ASMTL: variants seen among roughly 807,000 people sequenced by gnomAD.
ASMTL encodes the protein acetylserotonin O-methyltransferase like.
Under a neutral mutation model 60.3 loss-of-function variants are expected in ASMTL, and 57 were observed. The observed-to-expected ratio is 0.95, with a 90% CI of 0.76 to 1.18. The LOEUF is 1.18. Ranked by LOEUF, ASMTL falls within the 50% of genes most tolerant of loss-of-function variation. The pLI is 0.00. For missense variants in ASMTL, 981 were observed against 852.6 expected (o/e 1.15, Z -1.88); for synonymous variants, 419 against 373.0 (o/e 1.12, Z -1.42).
chrX:1,444,765 T>C (rs5949197), intron 1 of ASMTL, among the ~76,000 whole-genome samples: 116,609 of 151,774 alleles, frequency 0.77, 46,253 homozygotes, highest in East Asian at 0.94. Context: ...CATCCTGGGC[T>C]AACTCCTGGA....
intron 11 of ASMTL, among the ~76,000 whole-genome samples, chrX:1,414,223 C>A (rs1156711162): frequency 6.6e-6 from 1 of 152,174 alleles, no homozygotes; most frequent in Non-Finnish European, 1.5e-5. Flanking sequence ...AGGATCCTCC[C>A]CTAGAGCCTC....
chrX:1,439,434 T>C (rs1191222932), intron 2 of ASMTL, among the ~76,000 whole-genome samples: 1 of 152,226 alleles, frequency 6.6e-6, no homozygotes, highest in Non-Finnish European at 1.5e-5. Flanking sequence ...CAATGCCTGT[T>C]CCGTAAGCTT....
intron 1 of ASMTL, among the ~76,000 whole-genome samples, chrX:1,448,125 A>ACCATCTTGGACACACACCG (rs1265468996): frequency 6.8e-6 from 1 of 148,090 alleles, no homozygotes; most frequent in Non-Finnish European, 1.5e-5. Context: ...TTGGACACAC[A>ACCATCTTGGACACACACCG]CCATCTTGGA....
chrX:1,404,498 A>G (rs1165723341), intron 12 of ASMTL, among the ~76,000 whole-genome samples: 6 of 149,188 alleles, frequency 4.0e-5, no homozygotes, highest in African/African-American at 1.2e-4. Flanking sequence ...GGATGGATGG[A>G]TGGGTGAATA....
At chrX:1,436,237 G>A (rs1468913486) in intron 3 of ASMTL, among the ~76,000 whole-genome samples, 11 of 152,292 alleles carry the variant, frequency 7.2e-5, no homozygotes, top group South Asian at 2.1e-4. Flanking sequence ...GCAGTGGCAC[G>A]GTCTTGGCTC....
intron 1 of ASMTL, among the ~76,000 whole-genome samples, chrX:1,444,208 ATTTT>A (rs112915722): frequency 1.6e-5 from 2 of 123,506 alleles, no homozygotes; most frequent in Non-Finnish European, 3.5e-5. Flanking sequence ...CACTTTTTGT[ATTTT>A]TTTTTTTTTT....
Position 1,418,213 on chromosome X carries a change from A to G in ASMTL, c.1379-97T>C, listed in dbSNP as rs2090369639. ...TGGGGCAGAAGTAATGTTCAAGGGCATGGCATTGATTCCCATGCTGGAAGG... is the reference window on the plus strand; with the variant it reads ...TGGGGCAGAAGTAATGTTCAAGGGCGTGGCATTGATTCCCATGCTGGAAGG... On this transcript the variant is annotated intron_variant, in intron 10 of 12. Transcript: ENST00000381317. 5 of 1,356,442 alleles carry G rather than the reference A, an allele frequency of 3.7e-6. No homozygotes were observed. The South Asian group carries it at 5.8e-5, about 16-fold the overall frequency. 84.0% of individuals were successfully genotyped at this position (1,356,442 alleles called of 1,614,324 possible). A position where few individuals can be genotyped will look rare whatever the true frequency, so the allele number is the denominator to read the frequency against.
intron 1 of ASMTL, 52 bp downstream of exon 1, chrX:1,452,696 G>C (rs2091427078): frequency 5.4e-6 from 8 of 1,473,390 alleles, no homozygotes. Flanking sequence ...GGCCCTCCGG[G>C]GTTCAGCCCC....
In ASMTL at chrX:1,428,068, G is replaced by T; in HGVS notation, c.563C>A (p.Ser188Tyr). Residue 188 changes from serine to tyrosine, a missense_variant, in exon 7 of 13, where the codon TCC becomes TAC. Transcript: ENST00000381317. ...IQALGGMLVE[S>Y]VHGDFLNVVG... ...CACGTTCAGAAAGTCCCCGTGTACG[G>T]ACTCCACCAGCATGCCGCCCAGGGC... 6 of 1,613,296 alleles carry T rather than the reference G, an allele frequency of 3.7e-6. No individual in the cohort carries two copies. Among genetic ancestry groups the T allele is most frequent in the Non-Finnish European group, 5.1e-6 (6 of 1,179,504 alleles).
rs117309031 is a variant in ASMTL, at chrX:1,432,234, G to A, written c.509+35C>T. The A allele has an allele frequency of 5.7e-3, 8,699 of 1,536,778 alleles. 452 individuals are homozygous for A. In the African/African-American group the frequency reaches 0.11, roughly 19 times the overall value. Reference sequence around the variant, plus strand: ...TGTGAGGGTGGCCAGGCTTCCACACGTGTCCCCCGTCCCCCCACCGCCCCC... The same window carrying A: ...TGTGAGGGTGGCCAGGCTTCCACACATGTCCCCCGTCCCCCCACCGCCCCC... On this transcript the variant is annotated intron_variant, in intron 6 of 12. Coordinates refer to ENST00000381317, the MANE Select transcript of ASMTL (RefSeq NM_004192.4).
intron 7 of ASMTL, 136 bp downstream of exon 7, chrX:1,427,598 G>T: frequency 1.1e-6 from 1 of 934,414 alleles, no homozygotes; most frequent in Non-Finnish European, 1.6e-6. Context: ...TAGAACCTTC[G>T]GAGAAAGCAT....
chrX:1,413,385 C>T (rs2090111622), intron 11 of ASMTL, among the ~76,000 whole-genome samples: 1 of 152,194 alleles, frequency 6.6e-6, no homozygotes, highest in Non-Finnish European at 1.5e-5. Flanking sequence ...TCAGGGGCAG[C>T]ACCTGGGCGA....
intron 7 of ASMTL, among the ~76,000 whole-genome samples, chrX:1,426,971 A>G (rs1262593031): frequency 6.8e-6 from 1 of 147,602 alleles, no homozygotes; most frequent in Non-Finnish European, 1.5e-5. Flanking sequence ...TGACAGAGCC[A>G]GACTCTGTCT....
chrX:1,452,774 G>A lies in ASMTL; in HGVS notation c.67C>T (p.Arg23Cys). Reference sequence around the variant, plus strand: ...GCGTTGCTGAGGATCTCCTGACGGCGTGGGGAGGCGCTGGCCAGCACCACG... The same window carrying A: ...GCGTTGCTGAGGATCTCCTGACGGCATGGGGAGGCGCTGGCCAGCACCACG... ...KRVVLASASP[R>C]RQEILSNAGL... The change falls in exon 1 of 13, where the codon CGC becomes TGC. Residue 23 changes from arginine (R) to cysteine (C), a missense_variant. Arg to Cys is a radical substitution (Grantham distance 180). Coordinates refer to ENST00000381317, the MANE Select transcript of ASMTL (RefSeq NM_004192.4). 6.3e-7 allele frequency: 1 copy of A among 1,596,550 alleles called. No homozygotes were observed. The highest frequency in any genetic ancestry group is 8.5e-7 in the Non-Finnish European group (1 of 1,177,188).
Position 1,435,775 on chromosome X carries a change from C to G in ASMTL, c.274-17G>C. 6.2e-7 allele frequency: 1 copy of G among 1,612,078 alleles called. No individual in the cohort carries two copies. The highest frequency in any genetic ancestry group is 8.5e-7 in the Non-Finnish European group (1 of 1,178,504). ...CCCGACTGTCTGTGAGAGGAAGGGA[C>G]AGAGGGAGTTGGTTCCCACCGGCTG... On this transcript the variant is annotated splice_polypyrimidine_tract_variant and intron_variant, in intron 3 of 12. Coordinates refer to ENST00000381317, the MANE Select transcript of ASMTL (RefSeq NM_004192.4).
At position 1,411,119 on chromosome X, in the gene ASMTL, G is replaced by A. The variant is rs775811724; in HGVS notation, c.1645+1613C>T. Among the ~76,000 whole-genome samples, 32 of 152,250 alleles carry A rather than the reference G, an allele frequency of 2.1e-4. No individual in the cohort carries two copies. In the East Asian group the frequency reaches 5.4e-3, roughly 26 times the overall value. ...GAATCACTTGAACCCTGGGGGTGGA[G>A]GTTACGGAGAGCCAAGATCGTGCCA... On this transcript the variant is annotated intron_variant, in intron 12 of 12. Transcript: ENST00000381317.
intron 2 of ASMTL, 65 bp from the exon 3 acceptor site, chrX:1,439,209 G>A (rs1240599200): frequency 4.6e-5 from 71 of 1,558,474 alleles, no homozygotes; most frequent in Middle Eastern, 1.7e-4. Context: ...AAGTTTTCCC[G>A]TCGGTACGGG....
chrX:1,412,641 G>A (rs2090073672), intron 12 of ASMTL, 91 bp downstream of exon 12: 1 of 1,567,818 alleles, frequency 6.4e-7, no homozygotes, highest in Non-Finnish European at 8.8e-7. Flanking sequence ...GGGATGACAG[G>A]CGTGAGCCAC....
intron 10 of ASMTL, 111 bp downstream of exon 10, chrX:1,418,871 G>T: frequency 7.2e-7 from 1 of 1,386,236 alleles, no homozygotes; most frequent in Non-Finnish European, 1.0e-6. Flanking sequence ...GGTTCAGGTC[G>T]TTATCAGGTT....
Sources: allele counts gnomAD v4.1 joint callset (sites outside exome capture counted in the v4.1 genomes callset), GRCh38; gene constraint gnomAD v4.1.1; transcripts MANE v1.5; gene names NCBI Gene and HGNC (gene_info 2026-07-23, HGNC 2026-07-21).